ADAMTS17: variants seen among roughly 807,000 people sequenced by gnomAD.
ADAMTS17 encodes ADAM metallopeptidase with thrombospondin type 1 motif 17, also known as A disintegrin and metalloproteinase with thrombospondin motifs 17.
ADAMTS17 carries 113 observed loss-of-function variants against 141.5 expected under a neutral mutation model. The observed-to-expected ratio is 0.80, with a 90% CI of 0.69 to 0.93. The LOEUF (loss-of-function observed/expected upper bound fraction) is 0.93. Ranked by LOEUF, ADAMTS17 falls within the 40% of genes least tolerant of loss-of-function variation. The pLI is 0.00. For synonymous variants in ADAMTS17, 768 were observed against 630.6 expected, an observed-to-expected ratio of 1.22 and a Z score of -3.27; for missense variants, 1,659 against 1,517.9, an observed-to-expected ratio of 1.09 and a Z score of -1.54.
chr15:99,980,327 G>GTAAAAAC (rs1362868654), intron 20 of ADAMTS17: 1 of 152,160 alleles, frequency 6.6e-6, no homozygotes, highest in African/African-American at 2.4e-5. Flanking sequence ...TTTCAAAAAA[G>GTAAAAAC]TAAAAACTAA....
At chr15:100,178,149 A>AT (rs905497816) in intron 8 of ADAMTS17, among the ~76,000 whole-genome samples, 2 of 152,082 alleles carry the variant, frequency 1.3e-5, no homozygotes, top group Non-Finnish European at 2.9e-5. Flanking sequence ...TAGCTGAAGT[A>AT]TTTTTTTAGA....
chr15:100,008,512 G>A (rs1323700603), intron 18 of ADAMTS17, among the ~76,000 whole-genome samples: 1 of 152,212 alleles, frequency 6.6e-6, no homozygotes, highest in African/African-American at 2.4e-5. Context: ...GGAGGCCAGG[G>A]CCCGGGGGCC....
chr15:100,221,395 G>C (rs77822795), intron 7 of ADAMTS17, among the ~76,000 whole-genome samples: 11 of 152,056 alleles, frequency 7.2e-5, no homozygotes, highest in African/African-American at 2.4e-4. Flanking sequence ...GTAGTGGACA[G>C]CTCATACACT....
chr15:100,197,940 C>T (rs7179412), intron 8 of ADAMTS17, among the ~76,000 whole-genome samples: 28,106 of 152,096 alleles, frequency 0.18, 2,767 homozygotes, highest in East Asian at 0.25. Flanking sequence ...AACCAAACAC[C>T]GCATGTTCTC....
At chr15:100,004,886 G>C (rs890245953) in intron 18 of ADAMTS17, among the ~76,000 whole-genome samples, 1 of 152,166 alleles carries the variant, frequency 6.6e-6, no homozygotes, top group African/African-American at 2.4e-5. Flanking sequence ...CTCCCAAAGT[G>C]CCGGGATTAT....
chr15:100,103,295 C>T (rs2036229539), intron 14 of ADAMTS17, among the ~76,000 whole-genome samples: 1 of 152,222 alleles, frequency 6.6e-6, no homozygotes, highest in South Asian at 2.1e-4. Context: ...GGAAGGGCAG[C>T]ATGTGGGGAG....
At chr15:100,270,179 G>A (rs376566465) in intron 4 of ADAMTS17, among the ~76,000 whole-genome samples, 2 of 133,556 alleles carry the variant, frequency 1.5e-5, no homozygotes, top group Non-Finnish European at 3.5e-5. Context: ...TGGCTCTGGA[G>A]CCATTTCTTC....
At chr15:100,241,508 A>G (rs1227778858) in intron 7 of ADAMTS17, among the ~76,000 whole-genome samples, 1 of 152,236 alleles carries the variant, frequency 6.6e-6, no homozygotes, top group East Asian at 1.9e-4. Context: ...GTCTCAACAC[A>G]CTTTACTTCT....
chr15:100,090,164 G>A (rs971940534), intron 15 of ADAMTS17, among the ~76,000 whole-genome samples: 4 of 152,094 alleles, frequency 2.6e-5, no homozygotes, highest in Admixed American at 1.3e-4. Flanking sequence ...TCCTTCTGGG[G>A]AGTTTCAACT....
At chr15:100,111,028 G>A (rs1164580279) in intron 13 of ADAMTS17, among the ~76,000 whole-genome samples, 1 of 152,226 alleles carries the variant, frequency 6.6e-6, no homozygotes, top group African/African-American at 2.4e-5. Flanking sequence ...TGCTGGAAAT[G>A]CTTCCCTCAG....
chr15:100,239,570 T>C (rs1176558141), intron 7 of ADAMTS17, among the ~76,000 whole-genome samples: 1 of 152,054 alleles, frequency 6.6e-6, no homozygotes, highest in African/African-American at 2.4e-5. Flanking sequence ...GTGGAAGCAA[T>C]GAGAAGGGGG....
intron 13 of ADAMTS17, among the ~76,000 whole-genome samples, chr15:100,110,972 C>T (rs1289617988): frequency 6.6e-6 from 1 of 152,220 alleles, no homozygotes; most frequent in South Asian, 2.1e-4. Flanking sequence ...CACCAGGCTC[C>T]ACAGGAAATC....
At chr15:100,261,248 G>A (rs957238564) in intron 6 of ADAMTS17, among the ~76,000 whole-genome samples, 13 of 152,210 alleles carry the variant, frequency 8.5e-5, no homozygotes, top group Non-Finnish European at 1.5e-5. Flanking sequence ...AATGCCATGT[G>A]ACAATGGAGG....
At chr15:100,033,956 G>A (rs1201076016) in intron 18 of ADAMTS17, among the ~76,000 whole-genome samples, 2 of 152,202 alleles carry the variant, frequency 1.3e-5, no homozygotes, top group African/African-American at 4.8e-5. Context: ...GAGACTGGTG[G>A]GGACAGCAGT....
intron 14 of ADAMTS17, among the ~76,000 whole-genome samples, chr15:100,101,544 G>C (rs1388492848): frequency 6.6e-6 from 1 of 152,242 alleles, no homozygotes; most frequent in Non-Finnish European, 1.5e-5. Flanking sequence ...GGGTTTCCAA[G>C]TGAGTATGTG....
At chr15:100,082,058 T>A (rs1166016622) in intron 15 of ADAMTS17, among the ~76,000 whole-genome samples, 1 of 152,186 alleles carries the variant, frequency 6.6e-6, no homozygotes, top group Non-Finnish European at 1.5e-5. Context: ...TTCTTTGCTT[T>A]TATTGATTTT....
At chr15:100,192,860 C>G (rs759865298) in intron 8 of ADAMTS17, among the ~76,000 whole-genome samples, 1 of 152,130 alleles carries the variant, frequency 6.6e-6, no homozygotes, top group Non-Finnish European at 1.5e-5. Context: ...TGGCTCTCCC[C>G]CAACCTTCCC....
At chr15:100,074,296 A>G (rs1288652751) in intron 15 of ADAMTS17, 1 of 152,216 alleles carries the variant, frequency 6.6e-6, no homozygotes, top group African/African-American at 2.4e-5. Flanking sequence ...AAGAATGCTT[A>G]CAGTGTTTTG....
intron 15 of ADAMTS17, among the ~76,000 whole-genome samples, chr15:100,070,448 A>G (rs1353306463): frequency 1.3e-5 from 2 of 150,390 alleles, no homozygotes; most frequent in Admixed American, 6.7e-5. Flanking sequence ...CATTCTTCTC[A>G]GCACCACACC....
Sources: allele counts gnomAD v4.1 joint callset (sites outside exome capture counted in the v4.1 genomes callset), GRCh38; gene constraint gnomAD v4.1.1; transcripts MANE v1.5; gene names NCBI Gene and HGNC (gene_info 2026-07-23, HGNC 2026-07-21).